Variants in ZNF407 observed in about 807,000 individuals in gnomAD.
ZNF407 encodes the protein zinc finger protein 407.
ZNF407 carries 17 observed loss-of-function variants against 131.2 expected under a neutral mutation model. The ratio of observed to expected loss-of-function variants is 0.13; its 90% CI spans 0.09 to 0.19. ZNF407 has a LOEUF of 0.19. Among genes scored for constraint, ZNF407 ranks in the 10% least tolerant of loss-of-function variants. The probability of loss-of-function intolerance (pLI) is 1.00; values close to 1 mark genes in which losing one functional copy is unlikely to be tolerated. For missense variants in ZNF407, 2,681 were observed against 2,830.6 expected, an observed-to-expected ratio of 0.95 and a Z score of 1.20; for synonymous variants, 1,156 against 1,062.0, an observed-to-expected ratio of 1.09 and a Z score of -1.72.
At chr18:74,841,411 T>C (rs988193502) in intron 4 of ZNF407, among the ~76,000 whole-genome samples, 13 of 152,142 alleles carry the variant, frequency 8.5e-5, no homozygotes, top group African/African-American at 3.1e-4. Context: ...GCTTCCCTTC[T>C]CAGTGAGGCC....
At chr18:74,914,749 T>C (rs1599239146) in intron 7 of ZNF407, among the ~76,000 whole-genome samples, 2 of 152,278 alleles carry the variant, frequency 1.3e-5, no homozygotes, top group Non-Finnish European at 1.5e-5. Context: ...GTGTTTCCTC[T>C]GCACCATGGT....
At chr18:74,992,539 GCATTTCCA>G (rs1263405645) in intron 8 of ZNF407, among the ~76,000 whole-genome samples, 1 of 152,198 alleles carries the variant, frequency 6.6e-6, no homozygotes, top group Non-Finnish European at 1.5e-5. Context: ...GGGGAAATCC[GCATTTCCA>G]TGGTGAGCTG....
intron 8 of ZNF407, among the ~76,000 whole-genome samples, chr18:74,921,738 G>A (rs1971849310): frequency 6.6e-6 from 1 of 152,184 alleles, no homozygotes; most frequent in Non-Finnish European, 1.5e-5. Context: ...GCTGCTGTAG[G>A]CATGAACATT....
At position 75,064,494 on chromosome 18, in the gene ZNF407, A is replaced by G; in HGVS notation, c.*26A>G. On this transcript the variant is annotated 3_prime_UTR_variant, in exon 9 of 9. Coordinates refer to ENST00000299687, the MANE Select transcript of ZNF407 (RefSeq NM_017757.3). ...GACGCGCGGCACCTTTACTCAGCAC[A>G]GGGCAGGTGTGGGAAGGTCCAGCTT... 1 of 1,449,588 alleles carries G rather than the reference A, an allele frequency of 6.9e-7. No individual in the cohort carries two copies. The highest frequency in any genetic ancestry group is 9.1e-7 in the Non-Finnish European group (1 of 1,096,346). The allele number at this position is 1,449,588 out of a possible 1,614,324, so 89.8% of individuals were successfully genotyped here.
intron 7 of ZNF407, among the ~76,000 whole-genome samples, chr18:74,916,102 GCA>G: frequency 1.5e-4 from 1 of 6,706 alleles, no homozygotes; most frequent in Non-Finnish European, 2.5e-4. Flanking sequence ...GTTGTGTGCA[GCA>G]TTGGTTCGAA....
At chr18:74,683,570 A>G in intron 3 of ZNF407, among the ~76,000 whole-genome samples, 1 of 152,176 alleles carries the variant, frequency 6.6e-6, no homozygotes, top group East Asian at 1.9e-4. Context: ...TTCTTATTTT[A>G]AAGCAAAGCC....
Position 75,064,812 on chromosome 18 carries a change from C to T in ZNF407, c.*344C>T, listed in dbSNP as rs1240428897. The T allele has an allele frequency of 9.2e-6, 2 of 216,758 alleles. No individual in the cohort carries two copies. Among genetic ancestry groups the T allele is most frequent in the Non-Finnish European group, 1.8e-5 (2 of 110,020 alleles). The allele number at this position is 216,758 out of a possible 1,614,324, so 13.4% of individuals were successfully genotyped here. A position where few individuals can be genotyped will look rare whatever the true frequency, so the allele number is the denominator to read the frequency against. ...AGCCAAGTGTTGTTGGTGTTTTTCT[C>T]TCCCAAGTGTTTTCCCATTTCAGTT... On this transcript the variant is annotated 3_prime_UTR_variant, in exon 9 of 9. Coordinates refer to ENST00000299687, the MANE Select transcript of ZNF407 (RefSeq NM_017757.3).
chr18:74,955,279 G>A (rs76536055), intron 8 of ZNF407, among the ~76,000 whole-genome samples: 1,650 of 152,308 alleles, frequency 0.011, 33 homozygotes, highest in African/African-American at 0.037. Context: ...GGAATCTGAT[G>A]TATTTGGAGA....
In ZNF407 at chr18:75,063,789, T is replaced by G; in HGVS notation, c.6068T>G (p.Leu2023Arg). 6.2e-7 allele frequency: 1 copy of G among 1,609,650 alleles called. No individual in the cohort carries two copies. Among genetic ancestry groups the G allele is most frequent in the Non-Finnish European group, 8.5e-7 (1 of 1,179,708 alleles). Residue 2023 changes from leucine to arginine, a missense_variant, in exon 9 of 9, where the codon CTG becomes CGG. Leu to Arg is a moderately radical substitution (Grantham distance 102). Transcript: ENST00000299687. This position sits in a 1 kb window ranked among gnomAD's most constrained non-coding sequence, Gnocchi z 6.6. ...GGCGCCAAAGACGTGCTGATCCAGC[T>G]GCCCGGGCAGGAGGTCTCCCATGTG... ...RPGAKDVLIQ[L>R]PGQEVSHVAA...
intron 1 of ZNF407, among the ~76,000 whole-genome samples, chr18:74,601,359 G>GTT: frequency 6.6e-6 from 1 of 150,646 alleles, no homozygotes; most frequent in African/African-American, 2.5e-5. Flanking sequence ...GTGTGTGTGT[G>GTT]TGTGTCCTTC....
chr18:74,910,474 T>C lies in ZNF407; in HGVS notation c.5250-10040T>C, dbSNP rs567953156. ...AATTTTATATTGAAAGTCATATTTT[T>C]AGGTTCATACTCTATTTAAGTATAT... On this transcript the variant is annotated intron_variant, in intron 7 of 8. Transcript: ENST00000299687. Among the ~76,000 whole-genome samples the C allele has an allele frequency of 2.1e-3, 314 of 152,320 alleles. 1 individual carries two copies. Among genetic ancestry groups the C allele is most frequent in the Middle Eastern group, 6.8e-3 (2 of 294 alleles).
chr18:74,800,413 CAA>C (rs1284465017), intron 4 of ZNF407, among the ~76,000 whole-genome samples: 1 of 151,924 alleles, frequency 6.6e-6, no homozygotes, highest in Non-Finnish European at 1.5e-5. Context: ...TTCCAATAAA[CAA>C]AAGTTTAGTC....
At position 74,842,793 on chromosome 18, in the gene ZNF407, G is replaced by A. The variant is rs73474478; in HGVS notation, c.4878-34404G>A. Among the ~76,000 whole-genome samples, 400 of 151,998 alleles carry A rather than the reference G, an allele frequency of 2.6e-3. 2 individuals are homozygous for A. Among genetic ancestry groups the A allele is most frequent in the African/African-American group, 9.3e-3 (385 of 41,432 alleles). Reference sequence around the variant, plus strand: ...GGATGGAGTGCAGTGTTGGAATCTCGGCTCATTGCAACTTCTGCCTCCTGG... The same window carrying A: ...GGATGGAGTGCAGTGTTGGAATCTCAGCTCATTGCAACTTCTGCCTCCTGG... On this transcript the variant is annotated intron_variant, in intron 4 of 8. Transcript: ENST00000299687.
chr18:74,990,993 A>G (rs1022154627), intron 8 of ZNF407, among the ~76,000 whole-genome samples: 1 of 152,180 alleles, frequency 6.6e-6, no homozygotes, highest in African/African-American at 2.4e-5. Context: ...ACAAAGATGG[A>G]TGAAATCGGA....
intron 8 of ZNF407, among the ~76,000 whole-genome samples, chr18:74,929,667 C>T (rs1028638092): frequency 2.6e-5 from 4 of 152,206 alleles, no homozygotes; most frequent in Non-Finnish European, 5.9e-5. Flanking sequence ...ATGTTGCCCA[C>T]TCGTGTTGCT....
chr18:74,616,745 TACCACACACATCCATATCCACAC>T (rs1599132632), intron 1 of ZNF407, among the ~76,000 whole-genome samples: 1 of 93,850 alleles, frequency 1.1e-5, no homozygotes, highest in Non-Finnish European at 2.2e-5. Flanking sequence ...CTCTCTTGCC[TACCACACACATCCATATCCACAC>T]ACCACACACA....
intron 8 of ZNF407, among the ~76,000 whole-genome samples, chr18:74,964,945 G>A (rs76245651): frequency 0.027 from 4,111 of 152,216 alleles, 167 homozygotes; most frequent in African/African-American, 0.09. Context: ...CTGCATTTTC[G>A]TGTGTATCTA....
intron 7 of ZNF407, among the ~76,000 whole-genome samples, chr18:74,909,888 A>G (rs533870791): frequency 6.6e-6 from 1 of 152,342 alleles, no homozygotes; most frequent in South Asian, 2.1e-4. Flanking sequence ...GTTTGAATAA[A>G]TGGCAGAGTT....
chr18:74,691,998 G>A (rs1490927566), intron 3 of ZNF407, among the ~76,000 whole-genome samples: 2 of 152,114 alleles, frequency 1.3e-5, no homozygotes, highest in African/African-American at 4.8e-5. Flanking sequence ...GGAGGCTAGG[G>A]TGGGAAGATC....
Sources: allele counts gnomAD v4.1 joint callset (sites outside exome capture counted in the v4.1 genomes callset), GRCh38; gene constraint gnomAD v4.1.1; non-coding constraint Gnocchi (gnomAD v3.1); transcripts MANE v1.5; gene names NCBI Gene and HGNC (gene_info 2026-07-23, HGNC 2026-07-21).